Variants in TXLNB observed in about 807,000 individuals in gnomAD.
TXLNB encodes taxilin beta, also known as beta-taxilin.
A neutral mutation model predicts 57.4 loss-of-function variants in TXLNB; 37 were observed. The ratio of observed to expected loss-of-function variants is 0.64; its 90% CI spans 0.50 to 0.85. The LOEUF (loss-of-function observed/expected upper bound fraction) is 0.85. Ranked by LOEUF, TXLNB falls within the 40% of genes least tolerant of loss-of-function variation. TXLNB has a pLI of 0.00. For missense variants in TXLNB, 848 were observed against 825.6 expected, an observed-to-expected ratio of 1.03 and a Z score of -0.33; for synonymous variants, 302 against 309.6, an observed-to-expected ratio of 0.98 and a Z score of 0.26.
the TXLNB span, among the ~76,000 whole-genome samples, chr6:139,187,943 T>C: frequency 6.6e-6 from 1 of 152,228 alleles, no homozygotes; most frequent in African/African-American, 2.4e-5. Context: ...GTGCCAAAGA[T>C]GTTCCGTATT....
the TXLNB span, among the ~76,000 whole-genome samples, chr6:139,187,051 C>T: frequency 6.6e-6 from 1 of 152,116 alleles, no homozygotes. Context: ...GATGGTTTCC[C>T]AGATGTAGAC....
chr6:139,295,946 T>C (rs1160016464), upstream of TXLNB, among the ~76,000 whole-genome samples: 1 of 152,232 alleles, frequency 6.6e-6, no homozygotes, highest in African/African-American at 2.4e-5. Flanking sequence ...AATCTTTCTA[T>C]ACAATATTCC....
intron 7 of TXLNB, among the ~76,000 whole-genome samples, chr6:139,249,778 G>T (rs951561397): frequency 3.9e-5 from 6 of 152,236 alleles, no homozygotes; most frequent in Non-Finnish European, 7.4e-5. Flanking sequence ...ATTATCCAAA[G>T]AAAAGCCAAA....
the TXLNB span, among the ~76,000 whole-genome samples, chr6:139,307,128 A>G: frequency 6.6e-6 from 1 of 152,224 alleles, no homozygotes; most frequent in Admixed American, 6.5e-5. Context: ...TGACAAAAGT[A>G]TTGACCAAGA....
At chr6:139,297,692 A>C in the TXLNB span, among the ~76,000 whole-genome samples, 9 of 152,360 alleles carry the variant, frequency 5.9e-5, no homozygotes, top group African/African-American at 1.9e-4. Flanking sequence ...TGAAATTAAC[A>C]TAGTAAATGT....
intron 1 of TXLNB, among the ~76,000 whole-genome samples, chr6:139,290,375 G>A (rs546908187): frequency 1.9e-4 from 29 of 152,198 alleles, no homozygotes; most frequent in South Asian, 8.3e-4. Flanking sequence ...GCAAGACTTC[G>A]TCTCAAAAAC....
In TXLNB at chr6:139,261,901, CTT is replaced by C. The variant is rs759412856; in HGVS notation, c.882+676_882+677del. ...TGGTAGGGTACATAGAATACAGACT[CTT>C]TTTTTTTTTTTTTTTTTTGAGACGG... On this transcript the variant is annotated intron_variant, in intron 5 of 9. Transcript: ENST00000358430. Among the ~76,000 whole-genome samples the C allele has an allele frequency of 7.6e-5, 9 of 117,868 alleles. No homozygotes were observed. In the South Asian group the frequency reaches 1.1e-3, roughly 15 times the overall value. The allele number at this position is 117,868 out of a possible 152,430, so 77.3% of individuals were successfully genotyped here. A position where few individuals can be genotyped will look rare whatever the true frequency, so the allele number is the denominator to read the frequency against.
At chr6:139,295,198 T>C (rs1294059845), upstream of TXLNB, among the ~76,000 whole-genome samples, 1 of 152,198 alleles carries the variant, frequency 6.6e-6, no homozygotes, top group East Asian at 1.9e-4. Context: ...AACAGGCATA[T>C]GCATTTTCAA....
the TXLNB span, among the ~76,000 whole-genome samples, chr6:139,225,160 A>G: frequency 6.6e-6 from 1 of 152,216 alleles, no homozygotes; most frequent in Non-Finnish European, 1.5e-5. Context: ...ATAGCAAACT[A>G]GGAATAAAAG....
At chr6:139,172,524 A>C in the TXLNB span, among the ~76,000 whole-genome samples, 3 of 152,230 alleles carry the variant, frequency 2.0e-5, no homozygotes. Flanking sequence ...CTAATTAAGA[A>C]GTTCTTATTG....
the TXLNB span, among the ~76,000 whole-genome samples, chr6:139,311,965 A>G: frequency 7.2e-5 from 11 of 152,178 alleles, no homozygotes; most frequent in African/African-American, 1.9e-4. Flanking sequence ...TTATAAAGGC[A>G]CTAGTCTCAT....
At chr6:139,210,838 C>T in the TXLNB span, among the ~76,000 whole-genome samples, 4 of 152,240 alleles carry the variant, frequency 2.6e-5, no homozygotes, top group African/African-American at 7.2e-5. Context: ...GATTATATCC[C>T]GCGCCTAGCT....
At chr6:139,196,267 T>C in the TXLNB span, among the ~76,000 whole-genome samples, 11 of 151,152 alleles carry the variant, frequency 7.3e-5, no homozygotes, top group Non-Finnish European at 1.5e-4. Flanking sequence ...GTTTAGAAAA[T>C]AGTAGTAGCA....
the TXLNB span, among the ~76,000 whole-genome samples, chr6:139,163,352 CTTTT>C: frequency 3.5e-5 from 5 of 142,408 alleles, no homozygotes; most frequent in Middle Eastern, 3.4e-3. Flanking sequence ...GTTCTCCATT[CTTTT>C]TTTTTTTTTT....
chr6:139,209,073 G>T, the TXLNB span, among the ~76,000 whole-genome samples: 1 of 152,184 alleles, frequency 6.6e-6, no homozygotes, highest in East Asian at 1.9e-4. Flanking sequence ...CCTAGAACTG[G>T]TAAATGAATT....
At chr6:139,304,712 T>C in the TXLNB span, among the ~76,000 whole-genome samples, 1 of 152,186 alleles carries the variant, frequency 6.6e-6, no homozygotes, top group Non-Finnish European at 1.5e-5. Flanking sequence ...AAACTAACAA[T>C]GAAGAGAGTC....
intron 4 of TXLNB, among the ~76,000 whole-genome samples, chr6:139,266,887 C>T (rs1201136180): frequency 1.5e-5 from 2 of 136,480 alleles, no homozygotes; most frequent in Non-Finnish European, 3.1e-5. Context: ...TATGGGGGAA[C>T]AATAATTCAA....
rs114057792 is a variant in TXLNB at position 139,288,561 on chromosome 6, G to A, written c.339C>T (p.Pro113=). The change falls in exon 2 of 10, where the codon CCC becomes CCT. Residue 113 remains proline (P), a synonymous_variant. Transcript: ENST00000358430. ...CAGTGGGTGGCTCTCCAGAAGCAAC[G>A]GGTTCTCTTCCAGCCTCTTCAGTTG... is the stretch of plus-strand genomic sequence containing the variant. ...EETTEEAGRE[P]VASGEPPTVK... The A allele has an allele frequency of 4.4e-4, 709 of 1,614,146 alleles. 3 individuals carry two copies. In the African/African-American group the frequency reaches 8.0e-3, roughly 18 times the overall value.
chr6:139,299,325 C>T, the TXLNB span, among the ~76,000 whole-genome samples: 14 of 152,196 alleles, frequency 9.2e-5, 1 homozygote, highest in Admixed American at 6.5e-5. Flanking sequence ...TCCTTTGGCT[C>T]ATGTTCCCTG....
Sources: gnomAD v4.1 joint callset for allele counts (sites outside exome capture counted in the v4.1 genomes callset) on GRCh38, gnomAD v4.1.1 for gene constraint, MANE v1.5 for transcripts, NCBI Gene and HGNC (gene_info 2026-07-23, HGNC 2026-07-21) for gene names.